Variants in VDAC1 observed in about 807,000 individuals in gnomAD.
VDAC1 encodes the protein non-selective voltage-gated ion channel VDAC1.
VDAC1 carries 10 observed loss-of-function variants against 34.7 expected under a neutral mutation model. The ratio of observed to expected loss-of-function variants is 0.29; its 90% CI spans 0.18 to 0.49. The LOEUF is 0.49. Among genes scored for constraint, VDAC1 ranks in the 20% least tolerant of loss-of-function variants. The pLI is 0.99. For synonymous variants in VDAC1, 130 were observed against 136.0 expected, an observed-to-expected ratio of 0.96 and a Z score of 0.30; for missense variants, 230 against 347.9, an observed-to-expected ratio of 0.66 and a Z score of 2.69.
the VDAC1 span, among the ~76,000 whole-genome samples, chr5:134,012,974 C>G: frequency 6.6e-6 from 1 of 151,956 alleles, no homozygotes; most frequent in Non-Finnish European, 1.5e-5. Context: ...ACAAGTTGGA[C>G]AAAAATAAGC....
the VDAC1 span, among the ~76,000 whole-genome samples, chr5:134,057,100 C>T: frequency 2.2e-4 from 33 of 152,214 alleles, no homozygotes; most frequent in African/African-American, 6.7e-4. Flanking sequence ...TTTAGGAGGC[C>T]GACGCAGGTG....
At chr5:134,067,400 T>C in the VDAC1 span, among the ~76,000 whole-genome samples, 1 of 144,474 alleles carries the variant, frequency 6.9e-6, no homozygotes. Context: ...ATCTTTATTT[T>C]CCCTAGCAGG....
chr5:133,979,017 A>G (rs553315683), intron 6 of VDAC1, among the ~76,000 whole-genome samples: 2 of 152,244 alleles, frequency 1.3e-5, no homozygotes, highest in Admixed American at 1.3e-4. Context: ...AAAAAATAAT[A>G]ATAATAAATA....
chr5:134,085,675 G>A, the VDAC1 span, among the ~76,000 whole-genome samples: 1 of 128,506 alleles, frequency 7.8e-6, no homozygotes, highest in East Asian at 2.6e-4. Flanking sequence ...ATCACTCGAG[G>A]TTAGGAGTTT....
At chr5:134,083,851 C>G in the VDAC1 span, among the ~76,000 whole-genome samples, 2 of 152,166 alleles carry the variant, frequency 1.3e-5, no homozygotes, top group African/African-American at 4.8e-5. Context: ...GGAAGAGTGG[C>G]CACGGGCCTG....
At chr5:134,015,668 G>C in the VDAC1 span, among the ~76,000 whole-genome samples, 1 of 150,932 alleles carries the variant, frequency 6.6e-6, no homozygotes, top group African/African-American at 2.4e-5. Flanking sequence ...TTTTTGAGAC[G>C]GAGTCTCGCT....
intron 1 of VDAC1, among the ~76,000 whole-genome samples, chr5:134,001,881 T>A (rs1753571843): frequency 6.6e-6 from 1 of 151,948 alleles, no homozygotes. Flanking sequence ...GTCCCACTCA[T>A]CCCAAACCCC....
At chr5:134,090,358 C>G in the VDAC1 span, among the ~76,000 whole-genome samples, 2 of 152,238 alleles carry the variant, frequency 1.3e-5, no homozygotes, top group African/African-American at 4.8e-5. Flanking sequence ...GCATTGTTCT[C>G]TAACAGTTTC....
At chr5:134,075,448 AT>A in the VDAC1 span, among the ~76,000 whole-genome samples, 1 of 152,182 alleles carries the variant, frequency 6.6e-6, no homozygotes, top group Non-Finnish European at 1.5e-5. Context: ...TTCACACACT[AT>A]TTACACTGCT....
At chr5:134,056,564 C>T in the VDAC1 span, among the ~76,000 whole-genome samples, 2 of 152,080 alleles carry the variant, frequency 1.3e-5, no homozygotes, top group Admixed American at 6.6e-5. Flanking sequence ...CTCGGCCTCC[C>T]GAAGTGCTGG....
At chr5:133,994,961 C>T (rs1040833545) in intron 1 of VDAC1, among the ~76,000 whole-genome samples, 1 of 152,164 alleles carries the variant, frequency 6.6e-6, no homozygotes, top group Non-Finnish European at 1.5e-5. Flanking sequence ...ACAGAAGAGA[C>T]GCCTCCCAGA....
chr5:134,081,117 A>G, the VDAC1 span, among the ~76,000 whole-genome samples: 9 of 151,160 alleles, frequency 6.0e-5, no homozygotes, highest in Admixed American at 2.0e-4. Context: ...AGCTTACTGC[A>G]ACCTCTGCCT....
At chr5:134,102,921 T>G in the VDAC1 span, among the ~76,000 whole-genome samples, 1 of 151,512 alleles carries the variant, frequency 6.6e-6, no homozygotes, top group African/African-American at 2.4e-5. Context: ...GTTGTTAGAG[T>G]CTCTTTCTTT....
At chr5:134,055,588 G>GTTTTTGTTTTTTTTTTGTTTTTT in the VDAC1 span, among the ~76,000 whole-genome samples, 1 of 59,626 alleles carries the variant, frequency 1.7e-5, no homozygotes, top group African/African-American at 7.2e-5. Flanking sequence ...CCCCGCTAAT[G>GTTTTTGTTTTTTTTTTGTTTTTT]TTTTTTTTTT....
chr5:134,006,744 C>CCA (rs1753759948), upstream of VDAC1, among the ~76,000 whole-genome samples: 2 of 113,892 alleles, frequency 1.8e-5, 1 homozygote, highest in Non-Finnish European at 3.8e-5. Flanking sequence ...TTGTCCCCCC[C>CCA]CCCCAAAAAA....
At chr5:134,103,548 C>T in the VDAC1 span, among the ~76,000 whole-genome samples, 1 of 152,202 alleles carries the variant, frequency 6.6e-6, no homozygotes, top group Non-Finnish European at 1.5e-5. Flanking sequence ...CGCCAGCCTT[C>T]AAGCTGGTGC....
chr5:134,090,406 C>T, the VDAC1 span, among the ~76,000 whole-genome samples: 2 of 152,160 alleles, frequency 1.3e-5, no homozygotes, highest in African/African-American at 2.4e-5. Flanking sequence ...GGGAAGGGTG[C>T]GTGGATGGTG....
chr5:134,054,548 C>T, the VDAC1 span, among the ~76,000 whole-genome samples: 1 of 145,452 alleles, frequency 6.9e-6, no homozygotes, highest in Admixed American at 7.1e-5. Context: ...GCAACCTCTG[C>T]CTCCCAGGTT....
At chr5:134,055,719 C>T in the VDAC1 span, among the ~76,000 whole-genome samples, 28 of 143,318 alleles carry the variant, frequency 2.0e-4, no homozygotes, top group African/African-American at 7.1e-4. Context: ...TGAGCCACCG[C>T]GCCCGGCTGC....
Sources: gnomAD v4.1 joint callset for allele counts (sites outside exome capture counted in the v4.1 genomes callset) on GRCh38, gnomAD v4.1.1 for gene constraint, MANE v1.5 for transcripts, NCBI Gene and HGNC (gene_info 2026-07-23, HGNC 2026-07-21) for gene names.